ERC2: variants seen among roughly 807,000 people sequenced by gnomAD.
ERC2 encodes ELKS/RAB6-interacting/CAST family member 2.
A neutral mutation model predicts 114.8 loss-of-function variants in ERC2; 42 were observed. That is an observed-to-expected ratio of 0.37 (90% CI 0.29 to 0.47). ERC2 has a LOEUF of 0.47. ERC2 is among the 20% of genes least tolerant of loss of function. The pLI is 0.99. For synonymous variants in ERC2, 454 were observed against 425.5 expected (o/e 1.07, Z -0.82); for missense variants, 939 against 1,150.7 (o/e 0.82, Z 2.66).
At chr3:55,948,921 G>T (rs1022625748) in intron 13 of ERC2, among the ~76,000 whole-genome samples, 2 of 152,070 alleles carry the variant, frequency 1.3e-5, no homozygotes, top group Admixed American at 6.5e-5. Context: ...CTTATTTTGG[G>T]CATGGTCTGT....
chr3:55,636,537 A>G (rs950305567), intron 17 of ERC2, among the ~76,000 whole-genome samples: 1 of 152,214 alleles, frequency 6.6e-6, no homozygotes, highest in Admixed American at 6.5e-5. Flanking sequence ...CATGTGTTCA[A>G]TGAACAAATG....
chr3:55,865,968 A>G (rs895563857), intron 14 of ERC2, among the ~76,000 whole-genome samples: 1 of 152,190 alleles, frequency 6.6e-6, no homozygotes, highest in African/African-American at 2.4e-5. Flanking sequence ...TTGGGTATAT[A>G]TCTAGAAGTT....
intron 14 of ERC2, among the ~76,000 whole-genome samples, chr3:55,886,093 G>GA (rs2063337090): frequency 1.3e-5 from 2 of 152,184 alleles, no homozygotes; most frequent in Admixed American, 1.3e-4. Context: ...AAAACAAGGA[G>GA]AAAAACTAGG....
chr3:56,464,518 T>C (rs185972541), intron 1 of ERC2, among the ~76,000 whole-genome samples: 1 of 152,366 alleles, frequency 6.6e-6, no homozygotes, highest in East Asian at 1.9e-4. Flanking sequence ...TCAGGGAGTT[T>C]TGTTACACTG....
At chr3:55,999,191 C>T (rs536792530) in intron 10 of ERC2, among the ~76,000 whole-genome samples, 1 of 152,176 alleles carries the variant, frequency 6.6e-6, no homozygotes, top group South Asian at 2.1e-4. Context: ...AGAAAAAGAA[C>T]CCAACTGAAG....
At chr3:56,062,618 C>T (rs1475728753) in intron 7 of ERC2, among the ~76,000 whole-genome samples, 1 of 152,110 alleles carries the variant, frequency 6.6e-6, no homozygotes, top group African/African-American at 2.4e-5. Context: ...TAGTTAAATG[C>T]TATCGTTTCA....
chr3:56,102,423 CA>C (rs1325271451), intron 6 of ERC2, among the ~76,000 whole-genome samples: 2 of 152,144 alleles, frequency 1.3e-5, no homozygotes, highest in Admixed American at 6.5e-5. Flanking sequence ...AAAACAAAAC[CA>C]AAAACAAAGA....
chr3:55,626,348 G>T (rs2059523588), intron 17 of ERC2, among the ~76,000 whole-genome samples: 1 of 152,162 alleles, frequency 6.6e-6, no homozygotes, highest in African/African-American at 2.4e-5. Flanking sequence ...GGTGGTTACT[G>T]ATGTAAGGAC....
At chr3:56,152,582 T>G (rs1280799114) in intron 4 of ERC2, among the ~76,000 whole-genome samples, 1 of 152,066 alleles carries the variant, frequency 6.6e-6, no homozygotes, top group African/African-American at 2.4e-5. Context: ...CAGGCAATAG[T>G]TTTCAAACAG....
At chr3:55,831,843 T>C (rs1288959791) in intron 14 of ERC2, among the ~76,000 whole-genome samples, 2 of 152,206 alleles carry the variant, frequency 1.3e-5, no homozygotes. Context: ...AGGAGTTCAC[T>C]TTCCTAGTCA....
At chr3:55,624,474 C>A (rs1224855191) in intron 17 of ERC2, among the ~76,000 whole-genome samples, 1 of 152,148 alleles carries the variant, frequency 6.6e-6, no homozygotes, top group Non-Finnish European at 1.5e-5. Flanking sequence ...TCAGGGAAAC[C>A]ACCCCAGACT....
In ERC2 at chr3:55,672,929, G is replaced by A. The variant is rs1037414152; in HGVS notation, c.*39+10865C>T. Among the ~76,000 whole-genome samples the A allele has an allele frequency of 5.9e-5, 9 of 152,318 alleles. 1 individual carries two copies. The highest frequency in any genetic ancestry group is 5.9e-4 in the Admixed American group (9 of 15,296). ...TCAACAGTCCGGGCTCCATCAGCAT[G>A]TTGGTGCATTCATAATTTTTAAAAA... On this transcript the variant is annotated intron_variant, in intron 17 of 17. Transcript: ENST00000288221.
intron 7 of ERC2, among the ~76,000 whole-genome samples, chr3:56,020,586 T>A (rs1427102984): frequency 1.3e-5 from 2 of 152,194 alleles, no homozygotes; most frequent in Non-Finnish European, 2.9e-5. Context: ...TATGTCAGAA[T>A]GATACTGGTT....
At chr3:55,937,617 T>C (rs2066529558) in intron 13 of ERC2, among the ~76,000 whole-genome samples, 1 of 152,118 alleles carries the variant, frequency 6.6e-6, no homozygotes, top group Non-Finnish European at 1.5e-5. Flanking sequence ...AGAGGAGGCT[T>C]GTGGAGAGTT....
intron 12 of ERC2, among the ~76,000 whole-genome samples, chr3:55,971,523 A>T (rs1005550344): frequency 2.6e-5 from 4 of 152,186 alleles, no homozygotes; most frequent in African/African-American, 9.7e-5. Flanking sequence ...GCATAGACAC[A>T]TCTTTAAAAA....
chr3:56,374,591 G>C (rs1350409973), intron 2 of ERC2, among the ~76,000 whole-genome samples: 1 of 152,062 alleles, frequency 6.6e-6, no homozygotes, highest in Non-Finnish European at 1.5e-5. Context: ...TGAGAAAACT[G>C]AGCCTAAGAG....
intron 14 of ERC2, among the ~76,000 whole-genome samples, chr3:55,744,098 T>C (rs1178730007): frequency 1.1e-4 from 16 of 152,170 alleles, no homozygotes; most frequent in Non-Finnish European, 8.8e-5. Flanking sequence ...CCAGTCTTCA[T>C]TTGCATAGAA....
At chr3:55,973,752 T>C (rs1359174352) in intron 12 of ERC2, among the ~76,000 whole-genome samples, 1 of 152,062 alleles carries the variant, frequency 6.6e-6, no homozygotes, top group East Asian at 1.9e-4. Flanking sequence ...CAAATGAGAG[T>C]GCAGTTTTCC....
At chr3:56,333,105 G>A (rs2057700006) in intron 2 of ERC2, among the ~76,000 whole-genome samples, 1 of 152,228 alleles carries the variant, frequency 6.6e-6, no homozygotes, top group South Asian at 2.1e-4. Context: ...CTCACAGTCA[G>A]TTAACTGGAC....
Sources: gnomAD v4.1 joint callset for allele counts (sites outside exome capture counted in the v4.1 genomes callset) on GRCh38, gnomAD v4.1.1 for gene constraint, MANE v1.5 for transcripts, NCBI Gene and HGNC (gene_info 2026-07-23, HGNC 2026-07-21) for gene names.